Variants in RIMS2 observed in about 807,000 individuals in gnomAD.
RIMS2 encodes the protein regulating synaptic membrane exocytosis 2, also known as regulating synaptic membrane exocytosis protein 2.
RIMS2 carries 59 observed loss-of-function variants against 174.4 expected under a neutral mutation model. The ratio of observed to expected loss-of-function variants is 0.34; its 90% confidence interval spans 0.27 to 0.42. The LOEUF (loss-of-function observed/expected upper bound fraction) is 0.42, where lower values mean the gene tolerates loss of function less well. Among genes scored for constraint, RIMS2 ranks in the 10% least tolerant of loss-of-function variants. RIMS2 has a pLI of 1.00. For missense variants in RIMS2, 1,620 were observed against 1,666.3 expected (o/e 0.97, Z 0.48); for synonymous variants, 606 against 572.5 (o/e 1.06, Z -0.84).
At chr8:104,255,456 T>C (rs558086561), downstream of RIMS2, 23 of 152,268 alleles carry the variant, frequency 1.5e-4, 1 homozygote, top group African/African-American at 4.1e-4. Flanking sequence ...TAATGATCCA[T>C]GCGAGTCCCT....
chr8:104,169,062 A>G (rs2098815159), intron 19 of RIMS2, among the ~76,000 whole-genome samples: 1 of 151,626 alleles, frequency 6.6e-6, no homozygotes, highest in African/African-American at 2.4e-5. Flanking sequence ...TATTTTGTTG[A>G]TGATTTTTGC....
intron 4 of RIMS2, 197 bp from the exon 8 acceptor site, chr8:103,910,124 A>T (rs2075364568): frequency 6.3e-7 from 1 of 1,583,744 alleles, no homozygotes; most frequent in South Asian, 1.1e-5. Context: ...CTTTTGTCTG[A>T]CTCTCACAGG....
intron 19 of RIMS2, among the ~76,000 whole-genome samples, chr8:104,096,916 A>C (rs1475053397): frequency 1.3e-5 from 2 of 151,914 alleles, no homozygotes; most frequent in South Asian, 2.1e-4. Flanking sequence ...TGTTGGTAGC[A>C]CTCATTAATC....
chr8:103,973,920 C>T (rs1276107105), intron 15 of RIMS2, among the ~76,000 whole-genome samples: 2 of 152,064 alleles, frequency 1.3e-5, no homozygotes, highest in Non-Finnish European at 2.9e-5. Context: ...TGGAGAATTG[C>T]CTGGTCAAAT....
chr8:104,076,798 C>G (rs1311543702), intron 19 of RIMS2, among the ~76,000 whole-genome samples: 3 of 151,458 alleles, frequency 2.0e-5, no homozygotes, highest in Non-Finnish European at 4.4e-5. Context: ...TAGTACCTAC[C>G]TCCAAGGATT....
chr8:103,607,054 C>G (rs1236032952), intron 1 of RIMS2, among the ~76,000 whole-genome samples: 35 of 151,546 alleles, frequency 2.3e-4, no homozygotes, highest in African/African-American at 8.2e-4. Context: ...ATGATGTTAG[C>G]TGGTTATTTT....
rs58750334 is a variant in RIMS2 at position 103,985,473 on chromosome 8, C to CAA, written c.2928-3803_2928-3802dup. 3.7e-3 allele frequency among the ~76,000 whole-genome samples: 133 copies of CAA among 36,158 alleles called. 11 individuals are homozygous for CAA. The highest frequency in any genetic ancestry group is 0.019 in the East Asian group (13 of 694). The allele number at this position is 36,158 out of a possible 152,430, so 23.7% of individuals were successfully genotyped here. On this transcript the variant is annotated intron_variant, in intron 16 of 23. Transcript: ENST00000504942. ...TGGGCAACAAAGCAAGACTCTGTCT[C>CAA]AAAAAAAAAAAAAAAAAAAAAAAAA...
intron 18 of RIMS2, 81 bp from the exon 21 acceptor site, chr8:104,014,425 A>AATTT: frequency 1.4e-6 from 1 of 731,876 alleles, no homozygotes; most frequent in Non-Finnish European, 2.3e-6. Flanking sequence ...GTATTTATAC[A>AATTT]GCTATCATAT....
At chr8:103,690,220 T>G (rs1020994413) in intron 1 of RIMS2, among the ~76,000 whole-genome samples, 2 of 152,198 alleles carry the variant, frequency 1.3e-5, no homozygotes, top group African/African-American at 4.8e-5. Flanking sequence ...CACCTCAGCT[T>G]CCTGAAGTTC....
chr8:103,556,793 G>C (rs1188353097), intron 1 of RIMS2, among the ~76,000 whole-genome samples: 1 of 152,078 alleles, frequency 6.6e-6, no homozygotes, highest in African/African-American at 2.4e-5. Flanking sequence ...AAAAAATACT[G>C]ATAAGGGTTA....
Position 103,783,047 on chromosome 8 carries a change from C to A in RIMS2, c.698+16510C>A, listed in dbSNP as rs148404496. 1.1e-4 allele frequency among the ~76,000 whole-genome samples: 16 copies of A among 152,258 alleles called. No individual in the cohort carries two copies. In the East Asian group the frequency reaches 3.1e-3, roughly 29 times the overall value. On this transcript the variant is annotated intron_variant, in intron 3 of 23. Coordinates refer to ENST00000504942, the Ensembl canonical transcript of RIMS2. ...GTCTTCCCCTTAGGATCTCTGGAGG[C>A]TGAAATCAAGGTGTTGCCTGAGGCT...
chr8:104,159,992 A>G (rs1187413623), intron 19 of RIMS2, among the ~76,000 whole-genome samples: 1 of 152,030 alleles, frequency 6.6e-6, no homozygotes, highest in East Asian at 1.9e-4. Context: ...TACAAAAATT[A>G]GGTGGGCATG....
At chr8:104,050,791 A>G (rs755636729) in intron 19 of RIMS2, among the ~76,000 whole-genome samples, 19 of 152,330 alleles carry the variant, frequency 1.2e-4, no homozygotes, top group Non-Finnish European at 2.1e-4. Context: ...GTAATAAGCC[A>G]AGTTTGTGAT....
At chr8:103,566,610 G>T (rs1301573733) in intron 1 of RIMS2, among the ~76,000 whole-genome samples, 2 of 152,148 alleles carry the variant, frequency 1.3e-5, no homozygotes, top group African/African-American at 2.4e-5. Context: ...ATAGAAACCT[G>T]TTCCTTCTAT....
At chr8:103,664,391 T>C (rs1351254408) in intron 1 of RIMS2, among the ~76,000 whole-genome samples, 3 of 152,222 alleles carry the variant, frequency 2.0e-5, no homozygotes, top group East Asian at 3.9e-4. Context: ...GACAAAGGGC[T>C]AATATCCAGA....
intron 15 of RIMS2, among the ~76,000 whole-genome samples, chr8:103,969,930 A>G (rs1365218199): frequency 6.6e-6 from 1 of 152,024 alleles, no homozygotes; most frequent in African/African-American, 2.4e-5. Context: ...TGTATTTTTT[A>G]GTAGAGACAG....
intron 1 of RIMS2, among the ~76,000 whole-genome samples, chr8:103,613,901 A>G (rs1425116196): frequency 6.6e-6 from 1 of 152,164 alleles, no homozygotes; most frequent in Admixed American, 6.5e-5. Flanking sequence ...GTGGCTGAGT[A>G]GGTATGTATT....
intron 1 of RIMS2, among the ~76,000 whole-genome samples, chr8:103,656,074 G>C (rs2096528129): frequency 6.6e-6 from 1 of 152,100 alleles, no homozygotes; most frequent in African/African-American, 2.4e-5. Flanking sequence ...AGTGAAGATG[G>C]AGAGAAGTAA....
At chr8:103,568,876 T>G in intron 1 of RIMS2, 2 of 1,151,912 alleles carry the variant, frequency 1.7e-6, no homozygotes, top group Non-Finnish European at 2.6e-6. Context: ...GTCTGAATAT[T>G]ATTAAAAGAG....
Sources: allele counts gnomAD v4.1 joint callset (sites outside exome capture counted in the v4.1 genomes callset), GRCh38; gene constraint gnomAD v4.1.1; transcripts MANE v1.5; gene names NCBI Gene and HGNC (gene_info 2026-07-23, HGNC 2026-07-21).